The following LRRC4C variants were observed in gnomAD, a reference collection of about 807,000 sequenced individuals.
The protein encoded by LRRC4C is leucine rich repeat containing 4C.
LRRC4C carries 5 observed loss-of-function variants against 33.6 expected under a neutral mutation model. The ratio of observed to expected loss-of-function variants is 0.15; its 90% confidence interval spans 0.08 to 0.31. The LOEUF is 0.31. Ranked by LOEUF, LRRC4C falls within the 10% of genes least tolerant of loss-of-function variation. The pLI is 1.00. For missense variants in LRRC4C, 560 were observed against 796.7 expected, an observed-to-expected ratio of 0.70 and a Z score of 3.58; for synonymous variants, 329 against 302.0, an observed-to-expected ratio of 1.09 and a Z score of -0.93.
At chr11:40,920,925 T>C (rs1957145789) in intron 2 of LRRC4C, among the ~76,000 whole-genome samples, 1 of 14,264 alleles carries the variant, frequency 7.0e-5, no homozygotes, top group African/African-American at 9.1e-5. Context: ...ATAATCAAGG[T>C]TTTTTTTTTT....
At chr11:40,618,388 C>T (rs1432953657) in intron 3 of LRRC4C, among the ~76,000 whole-genome samples, 1 of 151,624 alleles carries the variant, frequency 6.6e-6, no homozygotes, top group African/African-American at 2.4e-5. Context: ...GACATATTTT[C>T]TCTCAGAGCC....
chr11:41,253,776 G>GT (rs1380592931), intron 1 of LRRC4C, among the ~76,000 whole-genome samples: 2 of 152,086 alleles, frequency 1.3e-5, no homozygotes, highest in African/African-American at 4.8e-5. Context: ...GTTAGTTTAT[G>GT]TTTGTTCAAG....
At chr11:41,089,680 C>T (rs776751758) in intron 1 of LRRC4C, among the ~76,000 whole-genome samples, 2 of 151,942 alleles carry the variant, frequency 1.3e-5, no homozygotes, top group Non-Finnish European at 2.9e-5. Flanking sequence ...AGTTGAATAT[C>T]TCCCAGATGT....
chr11:41,371,591 T>A (rs368519499), intron 1 of LRRC4C, among the ~76,000 whole-genome samples: 2 of 152,220 alleles, frequency 1.3e-5, no homozygotes, highest in East Asian at 3.9e-4. Flanking sequence ...GTCTTCTGAA[T>A]CATGCAGATT....
At chr11:40,308,885 T>C (rs1176828393) in intron 4 of LRRC4C, among the ~76,000 whole-genome samples, 1 of 152,196 alleles carries the variant, frequency 6.6e-6, no homozygotes, top group Non-Finnish European at 1.5e-5. Context: ...TCTGGTTACA[T>C]GAGCCAATAA....
chr11:40,794,844 C>T (rs1950763067), intron 2 of LRRC4C, among the ~76,000 whole-genome samples: 1 of 152,120 alleles, frequency 6.6e-6, no homozygotes, highest in Non-Finnish European at 1.5e-5. Flanking sequence ...TTCTGTAAGT[C>T]CCAATATCAG....
At chr11:40,394,769 A>G (rs1949473483) in intron 3 of LRRC4C, among the ~76,000 whole-genome samples, 1 of 152,170 alleles carries the variant, frequency 6.6e-6, no homozygotes, top group African/African-American at 2.4e-5. Flanking sequence ...ATGATTTATT[A>G]CATTCTGGCA....
intron 1 of LRRC4C, among the ~76,000 whole-genome samples, chr11:41,235,884 A>G (rs12271686): frequency 0.037 from 5,603 of 152,146 alleles, 145 homozygotes; most frequent in African/African-American, 0.068. Context: ...ATGAAAGGGT[A>G]ATGAGGTAGA....
chr11:40,928,772 G>T (rs1404552499), intron 2 of LRRC4C, among the ~76,000 whole-genome samples: 1 of 152,020 alleles, frequency 6.6e-6, no homozygotes, highest in African/African-American at 2.4e-5. Context: ...TATCATATGT[G>T]AATTAAAATT....
chr11:40,167,480 T>C (rs769050584), intron 5 of LRRC4C, among the ~76,000 whole-genome samples: 2 of 152,148 alleles, frequency 1.3e-5, no homozygotes, highest in Non-Finnish European at 2.9e-5. Context: ...TAGTCACTAA[T>C]ACAAGGCAGC....
intron 2 of LRRC4C, among the ~76,000 whole-genome samples, chr11:40,838,012 T>A (rs536483857): frequency 6.6e-6 from 1 of 152,280 alleles, no homozygotes; most frequent in South Asian, 2.1e-4. Context: ...TAAATGCATC[T>A]ACTAGTGCCA....
At chr11:40,947,684 T>G (rs1188509557) in intron 1 of LRRC4C, among the ~76,000 whole-genome samples, 1 of 152,024 alleles carries the variant, frequency 6.6e-6, no homozygotes, top group African/African-American at 2.4e-5. Context: ...TGCTCTTCTC[T>G]CATTCTCTCT....
chr11:40,285,337 A>T (rs1293093440), intron 4 of LRRC4C, among the ~76,000 whole-genome samples: 2 of 152,152 alleles, frequency 1.3e-5, no homozygotes, highest in Non-Finnish European at 1.5e-5. Flanking sequence ...GAGTGCCTCA[A>T]GCCCTTGGAA....
At chr11:40,903,056 C>G (rs565483924) in intron 2 of LRRC4C, among the ~76,000 whole-genome samples, 3 of 152,248 alleles carry the variant, frequency 2.0e-5, no homozygotes, top group Non-Finnish European at 4.4e-5. Context: ...ACTTTCACAG[C>G]TAGAGAGAAG....
intron 3 of LRRC4C, among the ~76,000 whole-genome samples, chr11:40,543,371 T>C (rs1013242910): frequency 1.3e-5 from 2 of 152,280 alleles, no homozygotes; most frequent in African/African-American, 4.8e-5. Flanking sequence ...GGAACTCTTC[T>C]TTATGCCTTT....
chr11:40,888,784 G>A (rs1040814396), intron 2 of LRRC4C, among the ~76,000 whole-genome samples: 1 of 151,980 alleles, frequency 6.6e-6, no homozygotes, highest in Non-Finnish European at 1.5e-5. Context: ...ATCTTTGAAG[G>A]TTCTCATGTG....
chr11:41,168,046 A>G (rs897260528), intron 1 of LRRC4C, among the ~76,000 whole-genome samples: 1 of 152,150 alleles, frequency 6.6e-6, no homozygotes, highest in East Asian at 1.9e-4. Context: ...TAGTCTGTGA[A>G]TAATATGTTT....
intron 1 of LRRC4C, among the ~76,000 whole-genome samples, chr11:41,044,648 G>A (rs1277244805): frequency 1.3e-5 from 2 of 152,050 alleles, no homozygotes; most frequent in African/African-American, 4.8e-5. Flanking sequence ...ATAGACTACA[G>A]GAGTTCAGCT....
At chr11:40,366,391 C>T (rs989528445) in intron 3 of LRRC4C, among the ~76,000 whole-genome samples, 3 of 151,962 alleles carry the variant, frequency 2.0e-5, no homozygotes, top group Non-Finnish European at 4.4e-5. Flanking sequence ...GCCAGCATTT[C>T]AAGAATAGCT....
Sources: gnomAD v4.1 joint callset for allele counts (sites outside exome capture counted in the v4.1 genomes callset) on GRCh38, gnomAD v4.1.1 for gene constraint, MANE v1.5 for transcripts, NCBI Gene and HGNC (gene_info 2026-07-23, HGNC 2026-07-21) for gene names.